FHIT: variants seen among roughly 807,000 people sequenced by gnomAD.
FHIT encodes the protein fragile histidine triad diadenosine triphosphatase, also known as bis(5'-adenosyl)-triphosphatase.
FHIT carries 19 observed loss-of-function variants against 17.9 expected under a neutral mutation model. The ratio of observed to expected loss-of-function variants is 1.06; its 90% CI spans 0.74 to 1.56. The LOEUF (loss-of-function observed/expected upper bound fraction) is 1.56, where lower values mean the gene tolerates loss of function less well. Ranked by LOEUF, FHIT falls within the 40% of genes most tolerant of loss-of-function variation. The pLI is 0.00. For synonymous variants in FHIT, 81 were observed against 69.7 expected, an observed-to-expected ratio of 1.16 and a Z score of -0.81; for missense variants, 248 against 189.2, an observed-to-expected ratio of 1.31 and a Z score of -1.82.
chr3:60,207,207 G>GA (rs892163435), intron 5 of FHIT, among the ~76,000 whole-genome samples: 1 of 151,420 alleles, frequency 6.6e-6, no homozygotes, highest in Non-Finnish European at 1.5e-5. Flanking sequence ...TAAACATCCA[G>GA]AAAAAAAGAG....
rs533369344 is a variant in FHIT at position 60,605,842 on chromosome 3, G to C, written c.-17-68863C>G. 1.7e-4 allele frequency among the ~76,000 whole-genome samples: 26 copies of C among 152,320 alleles called. No homozygotes were observed. The South Asian group carries it at 3.9e-3, about 23-fold the overall frequency. On this transcript the variant is annotated intron_variant, in intron 4 of 9. Transcript: ENST00000492590. ...AAACTGACCATCACAGGGGATGGGA[G>C]AGGAGGAAAGATAAAGTTATAAGGA... is the stretch of plus-strand genomic sequence containing the variant.
intron 3 of FHIT, among the ~76,000 whole-genome samples, chr3:60,906,012 A>G (rs73097839): frequency 0.1 from 15,189 of 152,230 alleles, 1,054 homozygotes; most frequent in East Asian, 0.23. Flanking sequence ...GGATTTATAA[A>G]GCAAAACCTA....
At chr3:60,972,774 T>G (rs1259910106) in intron 3 of FHIT, among the ~76,000 whole-genome samples, 1 of 152,156 alleles carries the variant, frequency 6.6e-6, no homozygotes, top group African/African-American at 2.4e-5. Flanking sequence ...CCACTCTGCT[T>G]TAATCTGGAT....
intron 8 of FHIT, among the ~76,000 whole-genome samples, chr3:59,782,520 G>A (rs1267176370): frequency 2.0e-5 from 3 of 152,078 alleles, no homozygotes; most frequent in Non-Finnish European, 2.9e-5. Flanking sequence ...AAATGCAGCA[G>A]GAACACCTCA....
intron 5 of FHIT, among the ~76,000 whole-genome samples, chr3:60,226,553 T>A (rs1704214991): frequency 6.6e-6 from 1 of 151,472 alleles, no homozygotes; most frequent in South Asian, 2.1e-4. Context: ...ACCCTAAGCC[T>A]TTACTGTTGC....
At position 60,537,014 on chromosome 3, in the gene FHIT, AAT is replaced by A. The variant is rs1194326022; in HGVS notation, c.-17-37_-17-36del. ...AAGACAATGGATAGTTATAAAATTC[AAT>A]TAAGAAACTCAGTTCATATACCACC... On this transcript the variant is annotated intron_variant, in intron 4 of 9. Coordinates refer to ENST00000492590, the MANE Select transcript of FHIT (RefSeq NM_002012.4). The A allele has an allele frequency of 1.0e-5, 16 of 1,562,336 alleles. No individual in the cohort carries two copies. The African/African-American group carries it at 1.9e-4, about 19-fold the overall frequency.
intron 5 of FHIT, among the ~76,000 whole-genome samples, chr3:60,061,388 C>A (rs17061982): frequency 0.032 from 4,845 of 152,304 alleles, 244 homozygotes; most frequent in African/African-American, 0.11. Flanking sequence ...CTCTGGTTTG[C>A]GTCTTACTGC....
chr3:60,185,162 C>T (rs1322520058), intron 5 of FHIT, among the ~76,000 whole-genome samples: 2 of 152,030 alleles, frequency 1.3e-5, no homozygotes, highest in Non-Finnish European at 2.9e-5. Flanking sequence ...ACGGTTTATT[C>T]GTGAAGCAGA....
At chr3:60,213,935 C>G (rs1227209854) in intron 5 of FHIT, among the ~76,000 whole-genome samples, 1 of 152,152 alleles carries the variant, frequency 6.6e-6, no homozygotes, top group Non-Finnish European at 1.5e-5. Context: ...AACATACTTA[C>G]TGAAGATTTT....
At chr3:60,476,815 T>A (rs2033368401) in intron 5 of FHIT, among the ~76,000 whole-genome samples, 1 of 151,436 alleles carries the variant, frequency 6.6e-6, no homozygotes, top group Non-Finnish European at 1.5e-5. Context: ...TAAGTGAGCA[T>A]CATTTGGTCT....
chr3:60,594,066 G>A (rs1267818007), intron 4 of FHIT, among the ~76,000 whole-genome samples: 1 of 152,082 alleles, frequency 6.6e-6, no homozygotes, highest in Admixed American at 6.6e-5. Flanking sequence ...CAAAAGAAAA[G>A]CATTTTGAGT....
At chr3:59,840,390 CT>C (rs946285242) in intron 8 of FHIT, among the ~76,000 whole-genome samples, 2 of 40,360 alleles carry the variant, frequency 5.0e-5, no homozygotes, top group Non-Finnish European at 1.7e-4. Flanking sequence ...GATTATCCCC[CT>C]TTAAAAAAAA....
chr3:60,704,085 C>A (rs1553702889), intron 4 of FHIT, among the ~76,000 whole-genome samples: 1 of 152,094 alleles, frequency 6.6e-6, no homozygotes, highest in African/African-American at 2.4e-5. Flanking sequence ...CACACGACTA[C>A]ATATGCATTA....
chr3:60,345,050 T>C (rs1468838801), intron 5 of FHIT, among the ~76,000 whole-genome samples: 1 of 152,170 alleles, frequency 6.6e-6, no homozygotes. Context: ...TTTATGAAAA[T>C]CATATGCTTT....
intron 2 of FHIT, among the ~76,000 whole-genome samples, chr3:61,166,041 C>T (rs1451832051): frequency 6.6e-6 from 1 of 152,176 alleles, no homozygotes; most frequent in Non-Finnish European, 1.5e-5. Context: ...CATACATCAG[C>T]AAAGCGTGCA....
chr3:59,879,565 C>T (rs550230618), intron 8 of FHIT, among the ~76,000 whole-genome samples: 1 of 152,226 alleles, frequency 6.6e-6, no homozygotes, highest in African/African-American at 2.4e-5. Context: ...GAAATCTTAA[C>T]TATGTGATGC....
chr3:59,806,221 G>T (rs1353421130), intron 8 of FHIT, among the ~76,000 whole-genome samples: 1 of 151,990 alleles, frequency 6.6e-6, no homozygotes, highest in Non-Finnish European at 1.5e-5. Context: ...ACATGAAAAT[G>T]GATGTTGTAA....
chr3:61,178,758 T>C (rs2038233129), intron 2 of FHIT, among the ~76,000 whole-genome samples: 1 of 151,960 alleles, frequency 6.6e-6, no homozygotes, highest in Non-Finnish European at 1.5e-5. Context: ...AATCTTACCA[T>C]TTTATCTATT....
intron 3 of FHIT, among the ~76,000 whole-genome samples, chr3:60,966,736 A>T (rs1179731885): frequency 6.6e-6 from 1 of 152,242 alleles, no homozygotes; most frequent in East Asian, 1.9e-4. Context: ...TTAAGAGGCT[A>T]TTGTAGCAAG....
Sources: allele counts gnomAD v4.1 joint callset (sites outside exome capture counted in the v4.1 genomes callset), GRCh38; gene constraint gnomAD v4.1.1; transcripts MANE v1.5; gene names NCBI Gene and HGNC (gene_info 2026-07-23, HGNC 2026-07-21).